The following ROBO2 variants were observed in gnomAD, a reference collection of about 807,000 sequenced individuals.
ROBO2 encodes roundabout homolog 2.
In ROBO2, 53 loss-of-function variants were observed where a neutral mutation model predicts 160.8. That is an observed-to-expected ratio of 0.33 (90% CI 0.26 to 0.41). The LOEUF is 0.41. ROBO2 is among the 10% of genes least tolerant of loss of function. The pLI is 1.00. For missense variants in ROBO2, 1,577 were observed against 1,722.4 expected, an observed-to-expected ratio of 0.92 and a Z score of 1.49; for synonymous variants, 664 against 611.7, an observed-to-expected ratio of 1.09 and a Z score of -1.26.
chr3:76,318,629 C>G (rs2072249450), intron 2 of ROBO2, among the ~76,000 whole-genome samples: 1 of 152,050 alleles, frequency 6.6e-6, no homozygotes, highest in Admixed American at 6.6e-5. Flanking sequence ...AAGATTGTGT[C>G]AGCGCTTCCA....
chr3:76,836,219 T>A (rs6548451), intron 2 of ROBO2, among the ~76,000 whole-genome samples: 131,800 of 151,852 alleles, frequency 0.87, 57,252 homozygotes, highest in Middle Eastern at 0.9. Context: ...CTACTACTTG[T>A]TGATTACTAC....
chr3:76,826,481 C>G (rs898863630), intron 2 of ROBO2, among the ~76,000 whole-genome samples: 1 of 152,046 alleles, frequency 6.6e-6, no homozygotes. Context: ...ATGCTAATGG[C>G]AAGTGCTCAG....
rs566834694 is a variant in ROBO2 at position 76,984,153 on chromosome 3, G to A, written c.110-113861G>A. Among the ~76,000 whole-genome samples, 30 of 152,258 alleles carry A rather than the reference G, an allele frequency of 2.0e-4. 1 individual carries two copies. The East Asian group carries it at 5.6e-3, about 28-fold the overall frequency. On this transcript the variant is annotated intron_variant, in intron 2 of 26. Transcript: ENST00000487694. ...CCTCCACCTGGTCCAGCCCTTTCTC[G>A]TGGGGATTCTGGGGATTACAATTCA...
In ROBO2 at chr3:76,395,651, T is replaced by TCC. The variant is rs2077400933; in HGVS notation, c.109+458051_109+458052dup. ...ATGACAAAGGGGATATCACAACCGA[T>TCC]CCCACAGAAATACAAACTACCATCA... is the stretch of plus-strand genomic sequence containing the variant. On this transcript the variant is annotated intron_variant, in intron 2 of 26. Transcript: ENST00000487694. Among the ~76,000 whole-genome samples, 3 of 151,886 alleles carry TCC rather than the reference T, an allele frequency of 2.0e-5. No homozygotes were observed. The South Asian group carries it at 6.2e-4, about 32-fold the overall frequency.
intron 2 of ROBO2, among the ~76,000 whole-genome samples, chr3:76,790,002 A>G (rs899125178): frequency 6.6e-6 from 1 of 151,726 alleles, no homozygotes; most frequent in Non-Finnish European, 1.5e-5. Flanking sequence ...ATTATCATAA[A>G]TAATGTGAAA....
At chr3:76,158,057 A>G (rs2072476343) in intron 2 of ROBO2, among the ~76,000 whole-genome samples, 1 of 152,154 alleles carries the variant, frequency 6.6e-6, no homozygotes, top group African/African-American at 2.4e-5. Flanking sequence ...GAAGTTGGGA[A>G]CCAATGACTT....
chr3:76,124,465 C>T (rs1373103971), intron 2 of ROBO2, among the ~76,000 whole-genome samples: 1 of 152,114 alleles, frequency 6.6e-6, no homozygotes, highest in Non-Finnish European at 1.5e-5. Context: ...AAGCTTATCT[C>T]ACCCATTAAT....
intron 2 of ROBO2, among the ~76,000 whole-genome samples, chr3:76,229,790 A>G (rs1704509853): frequency 6.6e-6 from 1 of 152,170 alleles, no homozygotes; most frequent in African/African-American, 2.4e-5. Context: ...TATTTATACA[A>G]TTATATTTAC....
At chr3:77,352,031 G>A (rs527277711) in intron 2 of ROBO2, among the ~76,000 whole-genome samples, 10 of 151,102 alleles carry the variant, frequency 6.6e-5, no homozygotes, top group African/African-American at 1.9e-4. Context: ...ACATCAACAT[G>A]GAACATGCAT....
At chr3:75,998,488 G>C (rs2065792050) in intron 2 of ROBO2, among the ~76,000 whole-genome samples, 1 of 152,174 alleles carries the variant, frequency 6.6e-6, no homozygotes, top group East Asian at 1.9e-4. Flanking sequence ...AAGAGGTCAA[G>C]ATGGTGGCTT....
chr3:77,595,488 T>C (rs1474593675), intron 18 of ROBO2, among the ~76,000 whole-genome samples: 1 of 152,204 alleles, frequency 6.6e-6, no homozygotes, highest in African/African-American at 2.4e-5. Context: ...GAAGTTGCTG[T>C]TGTTTAAGAC....
At chr3:76,228,867 T>G (rs1207383637) in intron 2 of ROBO2, among the ~76,000 whole-genome samples, 1 of 152,114 alleles carries the variant, frequency 6.6e-6, no homozygotes, top group East Asian at 1.9e-4. Flanking sequence ...AAAAAATTAG[T>G]GGGGCATGCT....
chr3:77,098,221 T>G lies in ROBO2; in HGVS notation c.269T>G (p.Leu90Ter). The G allele has an allele frequency of 6.2e-7, 1 of 1,614,130 alleles. No individual in the cohort carries two copies. The highest frequency in any genetic ancestry group is 8.5e-7 in the Non-Finnish European group (1 of 1,180,034). Residue 90 changes from leucine to a stop codon, truncating the protein, a stop_gained, in exon 2 of 26, where the codon TTA (leucine) becomes TGA (stop). Transcript: ENST00000461745. LOFTEE classifies it high-confidence loss of function. ...AGGATGCTTCTGCCCAGCGGATCCTTATTCTTCTTGCGCATCGTGCACGGG... is the reference window on the plus strand; with the variant it reads ...AGGATGCTTCTGCCCAGCGGATCCTGATTCTTCTTGCGCATCGTGCACGGG...
intron 2 of ROBO2, among the ~76,000 whole-genome samples, chr3:77,345,426 A>G (rs2067526730): frequency 2.0e-5 from 3 of 152,160 alleles, no homozygotes; most frequent in Admixed American, 2.0e-4. Flanking sequence ...GAGGACATGA[A>G]TACCAGGAGA....
At chr3:76,176,779 G>A (rs79981939) in intron 2 of ROBO2, among the ~76,000 whole-genome samples, 1,597 of 151,828 alleles carry the variant, frequency 0.011, 19 homozygotes, top group Middle Eastern at 0.017. Flanking sequence ...TCAAAAACCC[G>A]TTATTAATAA....
Position 76,654,859 on chromosome 3 carries a change from ACACG to A in ROBO2, c.110-443154_110-443151del, listed in dbSNP as rs371959182. On this transcript the variant is annotated intron_variant, in intron 2 of 26. Coordinates refer to the ROBO2 transcript ENST00000487694. ...ATAATTTTTTTATATATATATACAC[ACACG>A]TACATATATGTGTGCGTATATACAT... is the stretch of plus-strand genomic sequence containing the variant. Among the ~76,000 whole-genome samples the A allele has an allele frequency of 1.0e-3, 107 of 104,278 alleles. 1 individual carries two copies. The South Asian group carries it at 0.012, about 12-fold the overall frequency. The allele number at this position is 104,278 out of a possible 152,430, so 68.4% of individuals were successfully genotyped here.
chr3:76,338,387 A>T (rs1000285685), intron 2 of ROBO2, among the ~76,000 whole-genome samples: 2 of 152,160 alleles, frequency 1.3e-5, no homozygotes, highest in African/African-American at 4.8e-5. Context: ...TAGCAATTTG[A>T]TGACTAAAAA....
chr3:76,945,119 A>T (rs1436593434), intron 2 of ROBO2, among the ~76,000 whole-genome samples: 1 of 151,938 alleles, frequency 6.6e-6, no homozygotes, highest in African/African-American at 2.4e-5. Flanking sequence ...GGATCTCCTG[A>T]CCTCGTGATC....
intron 2 of ROBO2, among the ~76,000 whole-genome samples, chr3:76,796,818 A>G (rs1482668664): frequency 2.0e-5 from 3 of 152,044 alleles, no homozygotes; most frequent in Non-Finnish European, 4.4e-5. Context: ...ATCATACAAA[A>G]TAGACTTCAA....
Sources: allele counts gnomAD v4.1 joint callset (sites outside exome capture counted in the v4.1 genomes callset), GRCh38; gene constraint gnomAD v4.1.1; transcripts MANE v1.5; gene names NCBI Gene and HGNC (gene_info 2026-07-23, HGNC 2026-07-21).